QTMAN: variants seen among roughly 807,000 people sequenced by gnomAD.
The protein encoded by QTMAN is tRNA-queuosine alpha-mannosyltransferase.
At chr2:144,282,355 AATATT>A in the QTMAN span, among the ~76,000 whole-genome samples, 6 of 149,642 alleles carry the variant, frequency 4.0e-5, no homozygotes, top group South Asian at 1.0e-3. Flanking sequence ...ATATTGGTGA[AATATT>A]ATATATTTCA....
chr2:144,074,581 A>T, the QTMAN span, among the ~76,000 whole-genome samples: 6 of 152,358 alleles, frequency 3.9e-5, no homozygotes, highest in South Asian at 1.2e-3. Flanking sequence ...TTCTAATTAG[A>T]AATATAAAAT....
chr2:144,047,482 G>C, the QTMAN span, among the ~76,000 whole-genome samples: 1 of 152,006 alleles, frequency 6.6e-6, no homozygotes, highest in Non-Finnish European at 1.5e-5. Flanking sequence ...TAGTGACAAG[G>C]CATCAGGATT....
chr2:144,105,275 G>C, the QTMAN span, among the ~76,000 whole-genome samples: 4 of 152,208 alleles, frequency 2.6e-5, no homozygotes, highest in African/African-American at 9.7e-5. Context: ...GAAGAGCTGA[G>C]AGAAGAAGGC....
the QTMAN span, among the ~76,000 whole-genome samples, chr2:144,117,926 A>G: frequency 1.3e-5 from 2 of 152,006 alleles, no homozygotes; most frequent in East Asian, 3.9e-4. Context: ...GCTCGCTATA[A>G]GCTCCACCTC....
the QTMAN span, chr2:144,294,547 A>C: frequency 6.6e-6 from 1 of 152,232 alleles, no homozygotes; most frequent in African/African-American, 2.4e-5. Context: ...ATAGGTTGAT[A>C]ATTATTGAAG....
chr2:144,264,909 T>C, the QTMAN span, among the ~76,000 whole-genome samples: 1 of 152,192 alleles, frequency 6.6e-6, no homozygotes, highest in Non-Finnish European at 1.5e-5. Context: ...AGGAGCGCAA[T>C]GGTCAGAAAT....
At chr2:144,003,332 T>G in the QTMAN span, among the ~76,000 whole-genome samples, 1 of 151,798 alleles carries the variant, frequency 6.6e-6, no homozygotes, top group Non-Finnish European at 1.5e-5. Context: ...TTTATGCCCT[T>G]TATAATAATT....
the QTMAN span, among the ~76,000 whole-genome samples, chr2:144,158,656 A>G: frequency 2.6e-5 from 4 of 152,058 alleles, no homozygotes; most frequent in African/African-American, 9.6e-5. Flanking sequence ...TAAGATAAAC[A>G]TTGCAACAGA....
At chr2:144,222,791 G>C in the QTMAN span, among the ~76,000 whole-genome samples, 5 of 152,208 alleles carry the variant, frequency 3.3e-5, no homozygotes, top group Admixed American at 2.0e-4. Flanking sequence ...CTAGGCGACA[G>C]AGCGAGACTC....
chr2:144,207,465 T>C, the QTMAN span, among the ~76,000 whole-genome samples: 2 of 152,168 alleles, frequency 1.3e-5, no homozygotes, highest in African/African-American at 2.4e-5. Context: ...AAGATGGGCA[T>C]TGGAGCTTCC....
At chr2:144,022,722 TC>T in the QTMAN span, among the ~76,000 whole-genome samples, 1 of 151,778 alleles carries the variant, frequency 6.6e-6, no homozygotes. Context: ...CGCCACTGCG[TC>T]CAGCTAATTT....
At chr2:144,264,397 C>A in the QTMAN span, among the ~76,000 whole-genome samples, 8 of 152,204 alleles carry the variant, frequency 5.3e-5, no homozygotes, top group Non-Finnish European at 1.2e-4. Flanking sequence ...CTATTTCCCA[C>A]ATCCCACCAC....
the QTMAN span, among the ~76,000 whole-genome samples, chr2:143,967,946 C>G: frequency 3.3e-5 from 5 of 152,096 alleles, 1 homozygote; most frequent in Non-Finnish European, 7.4e-5. Flanking sequence ...GCTTAGAACA[C>G]CTGGAATACA....
At chr2:143,948,062 C>G in the QTMAN span, among the ~76,000 whole-genome samples, 2 of 152,124 alleles carry the variant, frequency 1.3e-5, no homozygotes, top group African/African-American at 4.8e-5. Flanking sequence ...GACTCTGGAG[C>G]AGTATTAAAA....
chr2:144,169,419 A>G, the QTMAN span, among the ~76,000 whole-genome samples: 1 of 152,180 alleles, frequency 6.6e-6, no homozygotes, highest in Non-Finnish European at 1.5e-5. Context: ...CCACTTAATT[A>G]AAAAATATTT....
the QTMAN span, among the ~76,000 whole-genome samples, chr2:144,095,641 TAG>T: frequency 6.6e-6 from 1 of 152,186 alleles, no homozygotes; most frequent in African/African-American, 2.4e-5. Flanking sequence ...CTTTTGAGCA[TAG>T]ATTCAAATCT....
At chr2:144,201,879 T>C in the QTMAN span, among the ~76,000 whole-genome samples, 13 of 152,262 alleles carry the variant, frequency 8.5e-5, no homozygotes, top group East Asian at 2.1e-3. Flanking sequence ...CAGCATGAGA[T>C]GGTGAACAAA....
At chr2:144,247,421 T>C in the QTMAN span, among the ~76,000 whole-genome samples, 1 of 152,154 alleles carries the variant, frequency 6.6e-6, no homozygotes, top group Admixed American at 6.5e-5. Flanking sequence ...TGCTCATCTA[T>C]GAATAATAGC....
chr2:144,270,029 C>T, the QTMAN span, among the ~76,000 whole-genome samples: 4 of 152,094 alleles, frequency 2.6e-5, no homozygotes. Flanking sequence ...ATAAGCTTAA[C>T]AGATTTTTTA....
Sources: gnomAD v4.1 joint callset for allele counts (sites outside exome capture counted in the v4.1 genomes callset) on GRCh38, gnomAD v4.1.1 for gene constraint, MANE v1.5 for transcripts, NCBI Gene and HGNC (gene_info 2026-07-23, HGNC 2026-07-21) for gene names.